ABLIM1: variants seen among roughly 807,000 people sequenced by gnomAD.
The protein encoded by ABLIM1 is actin-binding LIM protein 1.
A neutral mutation model predicts 107.0 loss-of-function variants in ABLIM1; 40 were observed. The ratio of observed to expected loss-of-function variants is 0.37; its 90% CI spans 0.29 to 0.49. ABLIM1 has a LOEUF of 0.49. ABLIM1 is among the 20% of genes least tolerant of loss of function. The pLI, the probability that ABLIM1 is intolerant of heterozygous loss-of-function variation, is 0.97. For missense variants in ABLIM1, 857 were observed against 1,008.5 expected, an observed-to-expected ratio of 0.85 and a Z score of 2.04; for synonymous variants, 357 against 357.3, an observed-to-expected ratio of 1.00 and a Z score of 0.01.
chr10:114,740,215 G>A (rs1398426563), intron 1 of ABLIM1, among the ~76,000 whole-genome samples: 1 of 152,122 alleles, frequency 6.6e-6, no homozygotes. Context: ...GCTAGTATGT[G>A]CCTCAAGATT....
chr10:114,725,872 A>T (rs190089279), intron 1 of ABLIM1, among the ~76,000 whole-genome samples: 1 of 151,892 alleles, frequency 6.6e-6, no homozygotes, highest in Admixed American at 6.6e-5. Flanking sequence ...AGCCTCTCAG[A>T]GCAGCTGGAA....
At chr10:114,613,885 T>C (rs376913940) in intron 1 of ABLIM1, 1 of 185,334 alleles carries the variant, frequency 5.4e-6, no homozygotes, top group Admixed American at 6.5e-5. Context: ...CAAACACATA[T>C]AATCTGTCAC....
the ABLIM1 span, among the ~76,000 whole-genome samples, chr10:114,789,456 C>CT: frequency 6.6e-6 from 1 of 152,036 alleles, no homozygotes; most frequent in African/African-American, 2.4e-5. Context: ...ACATCAAAAT[C>CT]TTTTTTTATA....
chr10:114,557,452 A>T (rs528045801), intron 4 of ABLIM1, among the ~76,000 whole-genome samples: 1 of 152,334 alleles, frequency 6.6e-6, no homozygotes, highest in Admixed American at 6.5e-5. Context: ...CCATTTTCTA[A>T]GTCCTCCACA....
chr10:114,481,678 A>T (rs1466604068), intron 8 of ABLIM1, among the ~76,000 whole-genome samples: 2 of 152,244 alleles, frequency 1.3e-5, no homozygotes, highest in African/African-American at 4.8e-5. Context: ...CTCTGGGGAC[A>T]GTTTCACAAA....
chr10:114,587,935 G>A (rs1452038774), intron 2 of ABLIM1, among the ~76,000 whole-genome samples: 1 of 152,076 alleles, frequency 6.6e-6, no homozygotes, highest in Non-Finnish European at 1.5e-5. Context: ...CAGCTCACAG[G>A]TTCTTTAGGG....
chr10:114,790,157 C>T, the ABLIM1 span, among the ~76,000 whole-genome samples: 2 of 151,752 alleles, frequency 1.3e-5, no homozygotes, highest in East Asian at 1.9e-4. Context: ...ATATTTTCTA[C>T]TAACATCAAA....
the ABLIM1 span, among the ~76,000 whole-genome samples, chr10:114,792,575 C>T: frequency 6.6e-6 from 1 of 152,280 alleles, no homozygotes; most frequent in South Asian, 2.1e-4. Context: ...CTTTGTGGTT[C>T]CCCTACCTCC....
At chr10:114,464,333 A>C (rs1434431692) in intron 12 of ABLIM1, among the ~76,000 whole-genome samples, 2 of 151,952 alleles carry the variant, frequency 1.3e-5, no homozygotes, top group East Asian at 3.9e-4. Context: ...CTACAGGCGC[A>C]TGCCACCATG....
At chr10:114,539,070 G>GT (rs2066345114) in intron 6 of ABLIM1, among the ~76,000 whole-genome samples, 1 of 152,200 alleles carries the variant, frequency 6.6e-6, no homozygotes, top group Non-Finnish European at 1.5e-5. Flanking sequence ...ATCCAAAGAG[G>GT]TATGGGGCTG....
intron 1 of ABLIM1, among the ~76,000 whole-genome samples, chr10:114,638,038 G>A (rs1294784942): frequency 6.6e-6 from 1 of 152,178 alleles, no homozygotes; most frequent in Non-Finnish European, 1.5e-5. Context: ...AGTTGACTAT[G>A]TTGTAATGAA....
In ABLIM1 at chr10:114,642,842, A is replaced by C. The variant is rs186527718; in HGVS notation, c.244+15115T>G. 1.7e-4 allele frequency among the ~76,000 whole-genome samples: 26 copies of C among 152,370 alleles called. No homozygotes were observed. The East Asian group carries it at 5.0e-3, about 29-fold the overall frequency. Reference sequence around the variant, plus strand: ...AGAGAAAAACTCAGGCTAGCCTCAGACTTCTCAACAGCAACACTGATACTT... The same window carrying C: ...AGAGAAAAACTCAGGCTAGCCTCAGCCTTCTCAACAGCAACACTGATACTT... On this transcript the variant is annotated intron_variant, in intron 1 of 22. Transcript: ENST00000533213.
intron 6 of ABLIM1, among the ~76,000 whole-genome samples, chr10:114,536,223 C>CTTTCTTTT (rs1565863184): frequency 1.2e-5 from 1 of 80,428 alleles, no homozygotes; most frequent in African/African-American, 4.9e-5. Context: ...TTCCTTCTTT[C>CTTTCTTTT]TTTGTTTTTT....
chr10:114,662,946 G>A (rs544409083), upstream of ABLIM1, among the ~76,000 whole-genome samples: 373 of 152,250 alleles, frequency 2.4e-3, no homozygotes, highest in African/African-American at 8.6e-3. Flanking sequence ...CTCAGAGTGG[G>A]GTCACAGGCA....
At chr10:114,462,322 C>T (rs1022421188) in intron 12 of ABLIM1, among the ~76,000 whole-genome samples, 2 of 152,200 alleles carry the variant, frequency 1.3e-5, no homozygotes, top group African/African-American at 2.4e-5. Context: ...GGAACTCCTA[C>T]TTAATTTTAA....
chr10:114,468,094 G>A (rs2065575015), intron 11 of ABLIM1, 87 bp downstream of exon 11: 1 of 1,226,414 alleles, frequency 8.2e-7, no homozygotes, highest in Non-Finnish European at 1.2e-6. Context: ...TGTATGTTAT[G>A]TTCTTTTTCA....
intron 6 of ABLIM1, among the ~76,000 whole-genome samples, chr10:114,541,020 G>A (rs2066589352): frequency 6.6e-6 from 1 of 152,198 alleles, no homozygotes; most frequent in Non-Finnish European, 1.5e-5. Flanking sequence ...CCAATGACAA[G>A]TGGCTTTACA....
intron 1 of ABLIM1, among the ~76,000 whole-genome samples, chr10:114,752,010 C>T (rs2082525154): frequency 6.6e-6 from 1 of 152,186 alleles, no homozygotes; most frequent in Non-Finnish European, 1.5e-5. Context: ...CAGCACCTTC[C>T]CCAACCCTTT....
At chr10:114,630,515 G>T (rs979613081) in intron 1 of ABLIM1, among the ~76,000 whole-genome samples, 2 of 152,214 alleles carry the variant, frequency 1.3e-5, no homozygotes, top group Non-Finnish European at 2.9e-5. Context: ...TATAGGAGCA[G>T]AGTGAATAGA....
Sources: allele counts gnomAD v4.1 joint callset (sites outside exome capture counted in the v4.1 genomes callset), GRCh38; gene constraint gnomAD v4.1.1; transcripts MANE v1.5; gene names NCBI Gene and HGNC (gene_info 2026-07-23, HGNC 2026-07-21).